The following PCM1 variants were observed in gnomAD, a reference collection of about 807,000 sequenced individuals.
PCM1 encodes the protein pericentriolar material 1.
In PCM1, 157 loss-of-function variants were observed where a neutral mutation model predicts 241.9. The observed-to-expected ratio is 0.65, with a 90% confidence interval of 0.57 to 0.74. PCM1 has a LOEUF of 0.74. Among genes scored for constraint, PCM1 ranks in the 30% least tolerant of loss-of-function variants. PCM1 has a pLI of 0.00. For missense variants in PCM1, 3,478 were observed against 2,360.1 expected (o/e 1.47, Z -9.81); for synonymous variants, 1,085 against 784.9 (o/e 1.38, Z -6.39).
At chr8:17,928,632 T>C (rs2057942361) in intron 2 of PCM1, among the ~76,000 whole-genome samples, 1 of 146,916 alleles carries the variant, frequency 6.8e-6, no homozygotes, top group African/African-American at 2.5e-5. Flanking sequence ...TTTTTTTTTT[T>C]TTTTTTTTTT....
Position 17,939,752 on chromosome 8 carries a change from A to T in PCM1, c.674A>T (p.Asp225Val). 9 of 1,559,142 alleles carry T rather than the reference A, an allele frequency of 5.8e-6. No individual in the cohort carries two copies. The highest frequency in any genetic ancestry group is 7.8e-6 in the Non-Finnish European group (9 of 1,148,028). Residue 225 changes from aspartate to valine, a missense_variant, in exon 6 of 39, where the codon GAT becomes GTT. Transcript: ENST00000325083. ...ACTAAAGCTAGTTCCATGCGGGAAG[A>T]TCTTGTAGAGAAAAATGAGAGATCT... Reference protein sequence around the residue: ...YITKASSMREDLVEKNERSAN... With the variant: ...YITKASSMREVLVEKNERSAN...
chr8:17,966,261 A>T, intron 19 of PCM1, 43 bp downstream of exon 19: 1 of 1,606,956 alleles, frequency 6.2e-7, no homozygotes, highest in Non-Finnish European at 8.5e-7. Flanking sequence ...TATTTTTATA[A>T]CTTCTGAAGC....
Position 17,964,627 on chromosome 8 carries a change from A to G in PCM1, c.2714A>G (p.Asp905Gly), listed in dbSNP as rs1563984739. Residue 905 changes from aspartate (D) to glycine (G), a missense_variant, in exon 18 of 39, where the codon GAC becomes GGC. Coordinates refer to ENST00000325083, the MANE Select transcript of PCM1 (RefSeq NM_006197.4). ...GCACTAGATGAAGAAGGAGATGAAG[A>G]CGGTTACCTTTCTGAAGGAATTGTT... ...QCALDEEGDE[D>G]GYLSEGIVRT... 6.2e-7 allele frequency: 1 copy of G among 1,613,926 alleles called. No homozygotes were observed. Among genetic ancestry groups the G allele is most frequent in the Non-Finnish European group, 8.5e-7 (1 of 1,179,852 alleles).
rs745938471 is a variant in PCM1, at chr8:18,014,035, A to C, written c.5583A>C (p.Lys1861Asn). The C allele has an allele frequency of 1.9e-6, 3 of 1,563,622 alleles. No homozygotes were observed. The highest frequency in any genetic ancestry group is 2.6e-6 in the Non-Finnish European group (3 of 1,143,394). ...CATTGGAACGAGAAGCCACTAGTAA[A>C]AGTAAGAAATCTAAATAAGTCTTTG... ...NVPLEREATS[K>N]NDQNNCPVKP... Residue 1861 changes from lysine (K) to asparagine (N), a missense_variant and splice_region_variant, in exon 35 of 39, where the codon AAA becomes AAC. Transcript: ENST00000325083.
intron 38 of PCM1, 32 bp downstream of exon 38, chr8:18,025,690 T>A (rs2094140593): frequency 8.1e-7 from 1 of 1,234,048 alleles, no homozygotes; most frequent in Admixed American, 2.2e-5. Context: ...CTTGCCATAT[T>A]GAAAAATCAT....
intron 31 of PCM1, 43 bp from the exon 32 acceptor site, chr8:18,010,566 C>T: frequency 7.0e-7 from 1 of 1,423,988 alleles, no homozygotes; most frequent in Non-Finnish European, 9.7e-7. Flanking sequence ...AATTATGTAT[C>T]TAAGTATGTT....
intron 23 of PCM1, among the ~76,000 whole-genome samples, chr8:17,977,327 A>G (rs930415388): frequency 4.6e-5 from 7 of 152,200 alleles, no homozygotes; most frequent in Admixed American, 2.6e-4. Flanking sequence ...TTGAGAGACC[A>G]GTGAAAAAAC....
rs538165724 is a variant in PCM1 at position 18,002,978 on chromosome 8, G to C, written c.4828-3285G>C. ...GGCCTTGGCACTTGCTAATACTTCT[G>C]CCTGGAATGCTCTTCCTTCACATAC... On this transcript the variant is annotated intron_variant, in intron 29 of 38. Coordinates refer to ENST00000325083, the MANE Select transcript of PCM1 (RefSeq NM_006197.4). Among the ~76,000 whole-genome samples the C allele has an allele frequency of 1.1e-4, 17 of 152,220 alleles. No homozygotes were observed. The South Asian group carries it at 3.5e-3, about 32-fold the overall frequency.
At chr8:17,971,204 G>A (rs1241786852) in intron 22 of PCM1, among the ~76,000 whole-genome samples, 2 of 152,052 alleles carry the variant, frequency 1.3e-5, no homozygotes, top group East Asian at 3.9e-4. Flanking sequence ...TAGCTCTCAG[G>A]TCATATGGAA....
chr8:17,944,586 C>CA (rs1157961396), intron 6 of PCM1, among the ~76,000 whole-genome samples: 2 of 151,690 alleles, frequency 1.3e-5, no homozygotes, highest in African/African-American at 2.4e-5. Context: ...GTGACTTTTT[C>CA]AAAAAAAGTT....
chr8:17,942,133 C>T (rs182578110), intron 6 of PCM1, among the ~76,000 whole-genome samples: 222 of 152,108 alleles, frequency 1.5e-3, no homozygotes, highest in Middle Eastern at 0.01. Context: ...ATAACACGTT[C>T]TTAAACCTTG....
chr8:17,967,547 A>G (rs1030891118), intron 21 of PCM1, among the ~76,000 whole-genome samples: 8 of 152,204 alleles, frequency 5.3e-5, no homozygotes, highest in African/African-American at 1.9e-4. Context: ...ACCTCAGGTG[A>G]TCCACCTGCC....
chr8:17,985,015 T>A (rs2082151724), intron 24 of PCM1, among the ~76,000 whole-genome samples: 1 of 151,930 alleles, frequency 6.6e-6, no homozygotes. Flanking sequence ...AGCATTCAGT[T>A]TATTCTTTTT....
intron 13 of PCM1, 66 bp from the exon 14 acceptor site, chr8:17,959,948 C>G: frequency 1.4e-6 from 2 of 1,455,030 alleles, no homozygotes; most frequent in Non-Finnish European, 1.9e-6. Flanking sequence ...GTGGTATTTA[C>G]TAAGGTATGA....
At chr8:18,014,895 C>T in intron 36 of PCM1, 55 bp downstream of exon 36, 4 of 1,441,064 alleles carry the variant, frequency 2.8e-6, no homozygotes, top group Non-Finnish European at 2.8e-6. Context: ...GTGCATATTT[C>T]TTCATTTTCA....
chr8:17,957,658 C>A lies in PCM1; in HGVS notation c.1923C>A (p.His641Gln). 1.9e-6 allele frequency: 3 copies of A among 1,603,430 alleles called. No individual in the cohort carries two copies. Among genetic ancestry groups the A allele is most frequent in the Non-Finnish European group, 2.6e-6 (3 of 1,174,084 alleles). Residue 641 changes from histidine (H) to glutamine (Q), a missense_variant, in exon 13 of 39, where the codon CAC becomes CAA. Physicochemically the swap from His to Gln is conservative, Grantham distance 24. Transcript: ENST00000325083. Reference sequence around the variant, plus strand: ...TCAGTGGAGCTTCATTATCTAGTCACAGGAGCAGTCTGGTTGATGAGCATC... The same window carrying A: ...TCAGTGGAGCTTCATTATCTAGTCAAAGGAGCAGTCTGGTTGATGAGCATC... ...EGVSGASLSS[H>Q]RSSLVDEHPE...
intron 2 of PCM1, chr8:17,934,676 A>T (rs2059950531): frequency 6.6e-6 from 1 of 152,114 alleles, no homozygotes; most frequent in South Asian, 2.1e-4. Context: ...TGAATTTTAG[A>T]TAAAATTATC....
intron 23 of PCM1, among the ~76,000 whole-genome samples, chr8:17,977,758 G>T (rs929687930): frequency 1.3e-5 from 2 of 152,158 alleles, no homozygotes; most frequent in African/African-American, 4.8e-5. Flanking sequence ...CTAAGCAGTA[G>T]AGAAGATTCC....
chr8:17,964,843 C>T, intron 18 of PCM1, 75 bp downstream of exon 18: 1 of 1,105,648 alleles, frequency 9.0e-7, no homozygotes. Context: ...AGCACTTCTG[C>T]AGTTCTCCAA....
Sources: gnomAD v4.1 joint callset for allele counts (sites outside exome capture counted in the v4.1 genomes callset) on GRCh38, gnomAD v4.1.1 for gene constraint, MANE v1.5 for transcripts, NCBI Gene and HGNC (gene_info 2026-07-23, HGNC 2026-07-21) for gene names.